Variants in TAFA5 observed in about 807,000 individuals in gnomAD.
TAFA5 encodes the protein TAFA chemokine like family member 5.
A neutral mutation model predicts 15.3 loss-of-function variants in TAFA5; 6 were observed. The ratio of observed to expected loss-of-function variants is 0.39; its 90% CI spans 0.21 to 0.77. TAFA5 has a LOEUF of 0.77. Ranked by LOEUF, TAFA5 falls within the 30% of genes least tolerant of loss-of-function variation. The pLI is 0.41. For missense variants in TAFA5, 161 were observed against 193.1 expected (o/e 0.83, Z 0.98); for synonymous variants, 103 against 80.7 (o/e 1.28, Z -1.48).
intron 3 of TAFA5, among the ~76,000 whole-genome samples, chr22:48,708,186 C>T (rs1348989242): frequency 1.3e-5 from 2 of 152,210 alleles, no homozygotes; most frequent in Non-Finnish European, 2.9e-5. Context: ...ATTTTGCAGG[C>T]TGGAGGAGGC....
chr22:48,537,388 A>G (rs978701394), intron 1 of TAFA5, among the ~76,000 whole-genome samples: 3 of 151,938 alleles, frequency 2.0e-5, no homozygotes, highest in Non-Finnish European at 4.4e-5. Context: ...TCCTCCATCC[A>G]CTCTAGACCA....
intron 3 of TAFA5, among the ~76,000 whole-genome samples, chr22:48,735,068 G>A (rs1383479340): frequency 6.6e-6 from 1 of 152,208 alleles, no homozygotes; most frequent in Non-Finnish European, 1.5e-5. Flanking sequence ...AGGCACTCAG[G>A]TAGATTAACT....
chr22:48,680,407 G>C (rs114861522), intron 2 of TAFA5, among the ~76,000 whole-genome samples: 3,609 of 152,244 alleles, frequency 0.024, 150 homozygotes, highest in African/African-American at 0.083. Context: ...AGTCCCTGCT[G>C]CCGGGGCCCT....
At chr22:48,538,670 C>A (rs1202242764) in intron 1 of TAFA5, among the ~76,000 whole-genome samples, 3 of 152,212 alleles carry the variant, frequency 2.0e-5, no homozygotes. Context: ...TCTGTGCATT[C>A]TTGACTAGCT....
intron 1 of TAFA5, among the ~76,000 whole-genome samples, chr22:48,630,874 C>T (rs909269794): frequency 9.2e-5 from 14 of 152,140 alleles, no homozygotes; most frequent in Admixed American, 3.3e-4. Context: ...AAATCTGCCC[C>T]CTATACCCAG....
At position 48,570,097 on chromosome 22, in the gene TAFA5, G is replaced by C. The variant is rs1164850661; in HGVS notation, c.113-76500G>C. Reference sequence around the variant, plus strand: ...CACTCCCCTGGCAGGGCCCTCCCATGCTGCATCTGCCCTGCCTTCCGGTCC... The same window carrying C: ...CACTCCCCTGGCAGGGCCCTCCCATCCTGCATCTGCCCTGCCTTCCGGTCC... On this transcript the variant is annotated intron_variant, in intron 1 of 3. Coordinates refer to ENST00000402357, the MANE Select transcript of TAFA5 (RefSeq NM_001082967.3). 2.6e-5 allele frequency among the ~76,000 whole-genome samples: 4 copies of C among 152,182 alleles called. 1 individual carries two copies. Among genetic ancestry groups the C allele is most frequent in the Admixed American group, 2.0e-4 (3 of 15,284 alleles).
chr22:48,655,111 G>A (rs1466209735), intron 2 of TAFA5, among the ~76,000 whole-genome samples: 1 of 152,200 alleles, frequency 6.6e-6, no homozygotes, highest in South Asian at 2.1e-4. Flanking sequence ...GGGCATGGTT[G>A]TCATCCAGGA....
intron 1 of TAFA5, among the ~76,000 whole-genome samples, chr22:48,586,433 G>A (rs373500593): frequency 7.2e-5 from 11 of 152,284 alleles, no homozygotes; most frequent in African/African-American, 1.2e-4. Flanking sequence ...TGGGACCCTC[G>A]GTCTCCTCTT....
chr22:48,656,475 C>T (rs1311741856), intron 2 of TAFA5, among the ~76,000 whole-genome samples: 1 of 151,162 alleles, frequency 6.6e-6, no homozygotes, highest in African/African-American at 2.4e-5. Flanking sequence ...CACTGAACTC[C>T]AGCCTGGTGA....
At chr22:48,717,639 A>T (rs916894554) in intron 3 of TAFA5, among the ~76,000 whole-genome samples, 1 of 152,216 alleles carries the variant, frequency 6.6e-6, no homozygotes, top group Non-Finnish European at 1.5e-5. Flanking sequence ...TCCATTGCCC[A>T]CGTATTCATC....
intron 1 of TAFA5, among the ~76,000 whole-genome samples, chr22:48,499,846 C>A (rs1028900661): frequency 1.1e-4 from 17 of 152,124 alleles, no homozygotes; most frequent in Admixed American, 6.5e-5. Flanking sequence ...TGGGCTGGGG[C>A]GTGGAGTGTG....
At chr22:48,689,592 G>A (rs934698059) in intron 2 of TAFA5, among the ~76,000 whole-genome samples, 4 of 152,138 alleles carry the variant, frequency 2.6e-5, no homozygotes, top group African/African-American at 7.2e-5. Flanking sequence ...CTGCTTTACC[G>A]AGTCTGAGCC....
chr22:48,734,628 G>T lies in TAFA5; in HGVS notation c.391-15211G>T, dbSNP rs532727023. The stretch of plus-strand genomic sequence containing the variant: ...GACCTGCCTCAGGAGTTAACACAAG[G>T]ACCATGTTTGGCAAAGTCCCAGCAC... On this transcript the variant is annotated intron_variant, in intron 3 of 3. Transcript: ENST00000402357. Among the ~76,000 whole-genome samples the T allele has an allele frequency of 3.3e-5, 5 of 152,374 alleles. No homozygotes were observed. In the South Asian group the frequency reaches 8.3e-4, roughly 25 times the overall value.
intron 2 of TAFA5, among the ~76,000 whole-genome samples, chr22:48,677,782 C>T (rs1040799411): frequency 1.3e-5 from 2 of 152,188 alleles, no homozygotes; most frequent in African/African-American, 4.8e-5. Flanking sequence ...TGGCGTCCCC[C>T]TCCTGGATGA....
chr22:48,707,888 T>A, intron 3 of TAFA5, 44 bp downstream of exon 3: 1 of 1,594,038 alleles, frequency 6.3e-7, no homozygotes, highest in Non-Finnish European at 8.5e-7. Flanking sequence ...GGGGAGGGGG[T>A]ATGTGTGTGC....
intron 2 of TAFA5, among the ~76,000 whole-genome samples, chr22:48,677,913 G>A (rs1005012410): frequency 6.6e-6 from 1 of 151,954 alleles, no homozygotes; most frequent in Non-Finnish European, 1.5e-5. Context: ...AGGCAGCCCT[G>A]CCTGATCTGG....
At chr22:48,576,463 C>T in intron 1 of TAFA5, 1 of 1,412,512 alleles carries the variant, frequency 7.1e-7, no homozygotes, top group Non-Finnish European at 9.4e-7. Context: ...GGGGCGTCGG[C>T]CGAGTTGGGA....
rs571650861 is a variant in TAFA5, at chr22:48,560,998, G to A, written c.112+71294G>A. On this transcript the variant is annotated intron_variant, in intron 1 of 3. Transcript: ENST00000402357. The surrounding 1 kb of genome is among the most constrained non-coding windows in gnomAD (Gnocchi z 4.2). ...AGTCCTCTACACCTGGGGATGGAGC[G>A]GTTCCCTGTGTGGGTGACACTGGGA... Among the ~76,000 whole-genome samples, 8 of 152,234 alleles carry A rather than the reference G, an allele frequency of 5.3e-5. No homozygotes were observed. The highest frequency in any genetic ancestry group is 3.9e-4 in the East Asian group (2 of 5,180).
intron 1 of TAFA5, among the ~76,000 whole-genome samples, chr22:48,617,618 T>C (rs28437626): frequency 0.028 from 4,206 of 152,312 alleles, 88 homozygotes; most frequent in South Asian, 0.11. Context: ...TGAAAGAAAC[T>C]GGGGATGCAG....
Sources: gnomAD v4.1 joint callset for allele counts (sites outside exome capture counted in the v4.1 genomes callset) on GRCh38, gnomAD v4.1.1 for gene constraint, Gnocchi (gnomAD v3.1) non-coding constraint, MANE v1.5 for transcripts, NCBI Gene and HGNC (gene_info 2026-07-23, HGNC 2026-07-21) for gene names.